LRRK1: variants seen among roughly 807,000 people sequenced by gnomAD.
LRRK1 encodes the protein leucine rich repeat kinase 1.
In LRRK1, 113 loss-of-function variants were observed where a neutral mutation model predicts 209.1. The observed-to-expected ratio is 0.54, with a 90% CI of 0.46 to 0.63. The LOEUF (loss-of-function observed/expected upper bound fraction) is 0.63. Among genes scored for constraint, LRRK1 ranks in the 30% least tolerant of loss-of-function variants. LRRK1 has a pLI of 0.00. For missense variants in LRRK1, 2,284 were observed against 2,632.2 expected (o/e 0.87, Z 2.89); for synonymous variants, 1,144 against 1,099.7 (o/e 1.04, Z -0.80).
chr15:101,058,204 G>A, intron 29 of LRRK1, 63 bp downstream of exon 29: 2 of 1,540,740 alleles, frequency 1.3e-6, no homozygotes, highest in Non-Finnish European at 1.8e-6. Context: ...CGTGGAATCT[G>A]GGAACACAGT....
intron 22 of LRRK1, 118 bp downstream of exon 22, chr15:101,048,775 C>A: frequency 1.3e-6 from 1 of 774,740 alleles, no homozygotes; most frequent in Non-Finnish European, 2.0e-6. Flanking sequence ...GTGAGAGCGG[C>A]TCGTCATGGC....
At chr15:100,960,372 T>A (rs956986455) in intron 2 of LRRK1, among the ~76,000 whole-genome samples, 1 of 149,894 alleles carries the variant, frequency 6.7e-6, no homozygotes, top group Non-Finnish European at 1.5e-5. Flanking sequence ...TCAAAGGGTG[T>A]CCTAATCCTC....
intron 2 of LRRK1, among the ~76,000 whole-genome samples, chr15:100,954,922 G>C (rs961529065): frequency 6.6e-6 from 1 of 152,168 alleles, no homozygotes; most frequent in Non-Finnish European, 1.5e-5. Context: ...TTGTAACACA[G>C]TTTTAAATCA....
intron 2 of LRRK1, among the ~76,000 whole-genome samples, chr15:100,956,051 GA>G (rs1455215462): frequency 6.6e-6 from 1 of 152,162 alleles, no homozygotes; most frequent in Non-Finnish European, 1.5e-5. Flanking sequence ...AAGAGTTTAG[GA>G]AGGACTGGCA....
chr15:100,988,582 C>A (rs1397893625), intron 4 of LRRK1, 52 bp from the exon 5 acceptor site: 2 of 1,580,526 alleles, frequency 1.3e-6, no homozygotes, highest in Non-Finnish European at 1.7e-6. Flanking sequence ...AGAGTGGGAA[C>A]AAACAGCACC....
chr15:101,018,406 G>A (rs1453792850), intron 12 of LRRK1, among the ~76,000 whole-genome samples: 2 of 152,212 alleles, frequency 1.3e-5, no homozygotes, highest in Non-Finnish European at 2.9e-5. Context: ...AGAAGGAAGG[G>A]GAAACAAACA....
chr15:100,987,146 A>G (rs143375826), intron 4 of LRRK1, among the ~76,000 whole-genome samples: 4 of 152,340 alleles, frequency 2.6e-5, no homozygotes, highest in East Asian at 3.9e-4. Context: ...AGGGATATTT[A>G]CTTGGCACTG....
intron 32 of LRRK1, 56 bp from the exon 33 acceptor site, chr15:101,066,584 C>T: frequency 1.3e-6 from 2 of 1,535,620 alleles, no homozygotes; most frequent in Non-Finnish European, 1.8e-6. Context: ...GGCTTCACTC[C>T]CCGGAGAGCA....
chr15:101,022,234 C>A lies in LRRK1; in HGVS notation c.1853-149C>A. 1.3e-6 allele frequency: 1 copy of A among 791,356 alleles called. No homozygotes were observed. The highest frequency in any genetic ancestry group is 1.7e-5 in the African/African-American group (1 of 58,528). 49.0% of individuals were successfully genotyped at this position (791,356 alleles called of 1,614,324 possible). On this transcript the variant is annotated intron_variant, in intron 14 of 33. Transcript: ENST00000388948. This position sits in a 1 kb window ranked among gnomAD's most constrained non-coding sequence, Gnocchi z 4.0. ...AGTTCGCTTTTAGGGTGGTTAGTGT[C>A]ATGCCTTCCCTCCCCCTGATCCAGT...
At chr15:100,930,459 C>T (rs2042191800) in intron 2 of LRRK1, among the ~76,000 whole-genome samples, 1 of 152,184 alleles carries the variant, frequency 6.6e-6, no homozygotes, top group African/African-American at 2.4e-5. Flanking sequence ...CTGATCCACC[C>T]CATCCTAGGT....
Position 101,040,390 on chromosome 15 carries a change from A to G in LRRK1, c.2964-5591A>G, listed in dbSNP as rs190210355. ...TGATATGCTCTCTCTCCTGATATTA[A>G]TAATATGTCTTTTCTCTCATTCTTT... On this transcript the variant is annotated intron_variant, in intron 20 of 33. Coordinates refer to ENST00000388948, the MANE Select transcript of LRRK1 (RefSeq NM_024652.6). Among the ~76,000 whole-genome samples, 463 of 152,236 alleles carry G rather than the reference A, an allele frequency of 3.0e-3. 3 individuals are homozygous for G. The highest frequency in any genetic ancestry group is 0.01 in the African/African-American group (434 of 41,576).
chr15:100,927,672 G>A (rs761690568), intron 2 of LRRK1, among the ~76,000 whole-genome samples: 1 of 152,136 alleles, frequency 6.6e-6, no homozygotes. Flanking sequence ...ACCCCAGAAA[G>A]TTCTGTCCCC....
At chr15:101,003,567 A>G (rs921667342) in intron 6 of LRRK1, among the ~76,000 whole-genome samples, 9 of 152,224 alleles carry the variant, frequency 5.9e-5, no homozygotes, top group Non-Finnish European at 1.3e-4. Context: ...CTTACATGGC[A>G]GCAGGCAAGA....
rs1316533538 is a variant in LRRK1 at position 101,073,938 on chromosome 15, A to G, written c.*5090A>G. On this transcript the variant is annotated 3_prime_UTR_variant, in exon 34 of 34. Coordinates refer to ENST00000388948, the MANE Select transcript of LRRK1 (RefSeq NM_024652.6). ...TGCCGCTTGACCCCAATACAAACTC[A>G]ACAGTAGTTCCAAATAGCCGGAAAA... 6.6e-6 allele frequency: 1 copy of G among 152,086 alleles called. No homozygotes were observed. The highest frequency in any genetic ancestry group is 1.5e-5 in the Non-Finnish European group (1 of 68,022). 9.4% of individuals were successfully genotyped at this position (152,086 alleles called of 1,614,324 possible).
At chr15:100,920,462 A>G (rs1271617749) in intron 1 of LRRK1, among the ~76,000 whole-genome samples, 4 of 152,244 alleles carry the variant, frequency 2.6e-5, no homozygotes, top group African/African-American at 9.6e-5. Flanking sequence ...AGAAAATAAT[A>G]TAACAAACTA....
chr15:101,029,290 G>A, intron 20 of LRRK1, 58 bp downstream of exon 20: 2 of 1,508,740 alleles, frequency 1.3e-6, no homozygotes, highest in Middle Eastern at 1.9e-4. Flanking sequence ...AGAGGGAGTT[G>A]GGGTCTGGAG....
rs770644994 is a variant in LRRK1 at position 100,924,656 on chromosome 15, C to A, written c.24C>A (p.Pro8=). 3 of 1,614,140 alleles carry A rather than the reference C, an allele frequency of 1.9e-6. No individual in the cohort carries two copies. Among genetic ancestry groups the A allele is most frequent in the South Asian group, 2.2e-5 (2 of 91,072 alleles). The stretch of plus-strand genomic sequence containing the variant: ...TGATGGCTGGCATGTCGCAAAGACC[C>A]CCCAGCATGTACTGGTGTGTGGGGC... MAGMSQR[P]PSMYWCVGPE... Residue 8 remains proline, a synonymous_variant, in exon 2 of 34, where the codon CCC becomes CCA. Transcript: ENST00000388948.
At position 101,071,891 on chromosome 15, in the gene LRRK1, T is replaced by G. The variant is rs2036819670; in HGVS notation, c.*3043T>G. On this transcript the variant is annotated 3_prime_UTR_variant, in exon 34 of 34. Coordinates refer to ENST00000388948, the MANE Select transcript of LRRK1 (RefSeq NM_024652.6). ...AGACTGAGGAATGGGAAGAAGGCAT[T>G]CCATGGAGCTCTGAGGGCACTGGGT... The G allele has an allele frequency of 6.6e-6, 1 of 152,234 alleles. No homozygotes were observed. Among genetic ancestry groups the G allele is most frequent in the South Asian group, 2.1e-4 (1 of 4,830 alleles). 9.4% of individuals were successfully genotyped at this position (152,234 alleles called of 1,614,324 possible).
intron 12 of LRRK1, among the ~76,000 whole-genome samples, chr15:101,019,460 T>C (rs1344526413): frequency 6.6e-6 from 1 of 152,190 alleles, no homozygotes; most frequent in Admixed American, 6.5e-5. Context: ...GGTGCACCTT[T>C]ATTTCCGCAG....
Sources: allele counts gnomAD v4.1 joint callset (sites outside exome capture counted in the v4.1 genomes callset), GRCh38; gene constraint gnomAD v4.1.1; non-coding constraint Gnocchi (gnomAD v3.1); transcripts MANE v1.5; gene names NCBI Gene and HGNC (gene_info 2026-07-23, HGNC 2026-07-21).